The following SLC39A11 variants were observed in gnomAD, a reference collection of about 807,000 sequenced individuals.
SLC39A11 encodes the protein solute carrier family 39 member 11.
Under a neutral mutation model 36.1 loss-of-function variants are expected in SLC39A11, and 33 were observed. That is an observed-to-expected ratio of 0.91 (90% CI 0.69 to 1.22). The LOEUF (loss-of-function observed/expected upper bound fraction) is 1.22, where lower values mean the gene tolerates loss of function less well. SLC39A11 is among the 50% of genes most tolerant of loss of function. SLC39A11 has a pLI of 0.00. For missense variants in SLC39A11, 432 were observed against 430.3 expected, an observed-to-expected ratio of 1.00 and a Z score of -0.03; for synonymous variants, 166 against 170.3, an observed-to-expected ratio of 0.97 and a Z score of 0.20.
chr17:72,949,137 T>G (rs1482931021), intron 4 of SLC39A11, among the ~76,000 whole-genome samples: 1 of 134,068 alleles, frequency 7.5e-6, no homozygotes, highest in African/African-American at 2.8e-5. Flanking sequence ...TACCATACAC[T>G]GGGCAGCTTT....
At chr17:72,774,573 A>C (rs2076066512) in intron 6 of SLC39A11, among the ~76,000 whole-genome samples, 1 of 152,176 alleles carries the variant, frequency 6.6e-6, no homozygotes, top group Admixed American at 6.5e-5. Context: ...TGTTCACCAA[A>C]TAAAGGTAAA....
intron 6 of SLC39A11, among the ~76,000 whole-genome samples, chr17:72,814,714 C>T (rs1222836785): frequency 1.3e-5 from 2 of 152,168 alleles, no homozygotes; most frequent in African/African-American, 4.8e-5. Context: ...ATTCTAATAG[C>T]ATCTGTGCAG....
At chr17:72,832,728 A>T (rs922978444) in intron 6 of SLC39A11, among the ~76,000 whole-genome samples, 8 of 152,360 alleles carry the variant, frequency 5.3e-5, no homozygotes, top group African/African-American at 1.7e-4. Context: ...TCAACTCCAC[A>T]CCATAACAGC....
At chr17:72,787,252 G>GAT (rs1315321841) in intron 6 of SLC39A11, among the ~76,000 whole-genome samples, 2 of 75,842 alleles carry the variant, frequency 2.6e-5, no homozygotes, top group Non-Finnish European at 5.8e-5. Flanking sequence ...ATAACCCATG[G>GAT]CTTTTTTTTT....
intron 3 of SLC39A11, among the ~76,000 whole-genome samples, chr17:73,050,989 T>C (rs888011156): frequency 5.3e-5 from 8 of 152,218 alleles, no homozygotes; most frequent in South Asian, 2.1e-4. Context: ...AGAGAATGTA[T>C]TGGTTTCCTG....
chr17:73,061,313 T>C (rs1419710058), intron 3 of SLC39A11, among the ~76,000 whole-genome samples: 1 of 152,106 alleles, frequency 6.6e-6, no homozygotes, highest in African/African-American at 2.4e-5. Flanking sequence ...TGAGCTGAGA[T>C]TGCACCACTG....
chr17:72,753,537 T>A (rs1598581338), intron 6 of SLC39A11, among the ~76,000 whole-genome samples: 1 of 152,324 alleles, frequency 6.6e-6, no homozygotes, highest in East Asian at 1.9e-4. Context: ...TGCTCTTGAA[T>A]CTCCAGCTGA....
intron 6 of SLC39A11, among the ~76,000 whole-genome samples, chr17:72,819,718 C>A (rs1018356249): frequency 6.6e-6 from 1 of 151,298 alleles, no homozygotes; most frequent in African/African-American, 2.4e-5. Flanking sequence ...TTTCCAACAG[C>A]CTCTTGGTGG....
At position 73,083,416 on chromosome 17, in the gene SLC39A11, G is replaced by A. The variant is rs535789936; in HGVS notation, c.147+1392C>T. Among the ~76,000 whole-genome samples, 174 of 152,320 alleles carry A rather than the reference G, an allele frequency of 1.1e-3. 1 individual carries two copies. Among genetic ancestry groups the A allele is most frequent in the Non-Finnish European group, 2.1e-3 (142 of 68,036 alleles). On this transcript the variant is annotated intron_variant, in intron 3 of 9. Coordinates refer to ENST00000255559, the MANE Select transcript of SLC39A11 (RefSeq NM_139177.4). The stretch of plus-strand genomic sequence containing the variant: ...GGCCTCTGGCAGGCTCCACCTCCAG[G>A]CTAGTTTTTCCAGATCGCAGGGCTA...
intron 6 of SLC39A11, among the ~76,000 whole-genome samples, chr17:72,827,785 C>A (rs2078094220): frequency 6.6e-6 from 1 of 152,198 alleles, no homozygotes; most frequent in Non-Finnish European, 1.5e-5. Context: ...GGGAAGTTAG[C>A]ATAAGACTAT....
chr17:72,920,663 A>C (rs2083607706), intron 5 of SLC39A11, among the ~76,000 whole-genome samples: 1 of 100,432 alleles, frequency 1.0e-5, no homozygotes, highest in Non-Finnish European at 1.8e-5. Flanking sequence ...TGTACACCCT[A>C]TACACAAACA....
At chr17:72,981,778 G>GA (rs1171291194) in intron 4 of SLC39A11, among the ~76,000 whole-genome samples, 4 of 152,082 alleles carry the variant, frequency 2.6e-5, no homozygotes, top group Non-Finnish European at 5.9e-5. Flanking sequence ...ACTGAGAAAA[G>GA]AATTATAATA....
intron 4 of SLC39A11, among the ~76,000 whole-genome samples, chr17:72,990,472 T>C (rs895544843): frequency 8.5e-5 from 13 of 152,158 alleles, no homozygotes; most frequent in African/African-American, 2.7e-4. Flanking sequence ...GGCTGGAGTG[T>C]AGTGGCGTGA....
intron 5 of SLC39A11, among the ~76,000 whole-genome samples, chr17:72,868,604 A>C (rs2080429391): frequency 8.4e-6 from 1 of 118,494 alleles, no homozygotes. Context: ...CAATATAGTG[A>C]GCCCCTGTCT....
Position 72,812,160 on chromosome 17 carries a change from T to C in SLC39A11, c.601+37474A>G, listed in dbSNP as rs1394846680. Among the ~76,000 whole-genome samples the C allele has an allele frequency of 2.6e-5, 4 of 152,316 alleles. No homozygotes were observed. The South Asian group carries it at 6.2e-4, about 24-fold the overall frequency. ...GCCAGAAAAATAAGAAAAAATAAGA[T>C]ACTATTATGCTTGGAGAGAAAGCTG... is the stretch of plus-strand genomic sequence containing the variant. On this transcript the variant is annotated intron_variant, in intron 6 of 9. Transcript: ENST00000255559.
chr17:72,901,845 A>C (rs1483067838), intron 5 of SLC39A11, among the ~76,000 whole-genome samples: 2 of 152,194 alleles, frequency 1.3e-5, no homozygotes, highest in Non-Finnish European at 2.9e-5. Flanking sequence ...ACTGTGCTGC[A>C]TGCATGGGGC....
At chr17:72,666,449 A>C (rs866446022) in intron 7 of SLC39A11, among the ~76,000 whole-genome samples, 1 of 152,198 alleles carries the variant, frequency 6.6e-6, no homozygotes, top group Non-Finnish European at 1.5e-5. Context: ...TCTGGGCACA[A>C]TCTTAGGAGC....
chr17:72,947,675 C>A, intron 5 of SLC39A11, 77 bp downstream of exon 5: 2 of 1,603,886 alleles, frequency 1.2e-6, no homozygotes, highest in Non-Finnish European at 1.7e-6. Context: ...ATCCTACCAC[C>A]AGCCCCCACG....
At chr17:72,961,515 T>TA (rs1162572340) in intron 4 of SLC39A11, among the ~76,000 whole-genome samples, 3 of 150,516 alleles carry the variant, frequency 2.0e-5, no homozygotes, top group African/African-American at 7.3e-5. Context: ...CAGACTGGAT[T>TA]AAAAAAATGT....
Sources: allele counts gnomAD v4.1 joint callset (sites outside exome capture counted in the v4.1 genomes callset), GRCh38; gene constraint gnomAD v4.1.1; transcripts MANE v1.5; gene names NCBI Gene and HGNC (gene_info 2026-07-23, HGNC 2026-07-21).